The following PCLO variants were observed in gnomAD, a reference collection of about 807,000 sequenced individuals.
PCLO encodes the protein piccolo presynaptic cytomatrix protein, also known as protein piccolo.
In PCLO, 82 loss-of-function variants were observed where a neutral mutation model predicts 427.5. The observed-to-expected ratio is 0.19, with a 90% confidence interval of 0.16 to 0.23. PCLO has a LOEUF of 0.23. Among genes scored for constraint, PCLO ranks in the 10% least tolerant of loss-of-function variants. The pLI, the probability that PCLO is intolerant of heterozygous loss-of-function variation, is 1.00. For synonymous variants in PCLO, 2,357 were observed against 2,155.4 expected (o/e 1.09, Z -2.59); for missense variants, 6,239 against 6,115.9 (o/e 1.02, Z -0.67).
chr7:82,929,896 A>G (rs1447752102), intron 6 of PCLO, among the ~76,000 whole-genome samples: 2 of 152,176 alleles, frequency 1.3e-5, no homozygotes, highest in African/African-American at 4.8e-5. Context: ...ATAAATATTT[A>G]CTAATTCTCT....
chr7:83,156,606 T>G (rs1554406264), intron 1 of PCLO, among the ~76,000 whole-genome samples: 1 of 151,184 alleles, frequency 6.6e-6, no homozygotes, highest in East Asian at 1.9e-4. Context: ...AACAAGCAAG[T>G]GAAGAAAAAA....
chr7:82,997,278 A>G (rs369218355), intron 3 of PCLO, among the ~76,000 whole-genome samples: 2 of 152,056 alleles, frequency 1.3e-5, no homozygotes, highest in East Asian at 1.9e-4. Context: ...CTATCTCAGA[A>G]AAGCACACGA....
chr7:82,806,485 C>T (rs1791459802), intron 20 of PCLO, among the ~76,000 whole-genome samples: 2 of 152,096 alleles, frequency 1.3e-5, no homozygotes, highest in South Asian at 4.2e-4. Flanking sequence ...ATCCATATTC[C>T]CATACAGACA....
chr7:82,848,316 T>G (rs1018423119), intron 10 of PCLO, among the ~76,000 whole-genome samples: 3 of 143,826 alleles, frequency 2.1e-5, no homozygotes, highest in African/African-American at 5.0e-5. Flanking sequence ...TTTTTTTTTT[T>G]TTTTTTTTTT....
intron 18 of PCLO, among the ~76,000 whole-genome samples, chr7:82,825,301 T>G (rs986553989): frequency 1.3e-5 from 2 of 151,994 alleles, no homozygotes; most frequent in Non-Finnish European, 2.9e-5. Context: ...AGACCATAAA[T>G]TAGAAGGACT....
chr7:82,824,215 A>G (rs370124670), intron 19 of PCLO, 21 bp downstream of exon 19: 153 of 1,547,670 alleles, frequency 9.9e-5, no homozygotes, highest in Non-Finnish European at 1.3e-4. Flanking sequence ...AACTTTTTCT[A>G]CTTAAAAAAA....
At chr7:83,073,667 C>G (rs1456372449) in intron 3 of PCLO, among the ~76,000 whole-genome samples, 2 of 151,736 alleles carry the variant, frequency 1.3e-5, no homozygotes, top group African/African-American at 4.8e-5. Flanking sequence ...TTAGGAAGTA[C>G]CTAGTATTAC....
At chr7:82,990,794 A>T (rs1391138575) in intron 3 of PCLO, among the ~76,000 whole-genome samples, 1 of 152,170 alleles carries the variant, frequency 6.6e-6, no homozygotes, top group African/African-American at 2.4e-5. Context: ...CACTGATATA[A>T]TTAATATAGC....
chr7:83,094,200 A>ATT (rs61624053), intron 3 of PCLO, among the ~76,000 whole-genome samples: 2 of 107,890 alleles, frequency 1.9e-5, no homozygotes, highest in Non-Finnish European at 1.9e-5. Context: ...TTTGGGACTG[A>ATT]TTTTTTTTTC....
chr7:83,150,629 T>C (rs988088106), intron 2 of PCLO, among the ~76,000 whole-genome samples: 1 of 152,022 alleles, frequency 6.6e-6, no homozygotes, highest in Admixed American at 6.6e-5. Flanking sequence ...CCTTCCTTCC[T>C]TCCTTCCCAG....
At chr7:82,994,649 G>A (rs1445915040) in intron 3 of PCLO, among the ~76,000 whole-genome samples, 1 of 151,358 alleles carries the variant, frequency 6.6e-6, no homozygotes, top group Non-Finnish European at 1.5e-5. Context: ...TATATGAGAT[G>A]TGTTGATACA....
chr7:82,805,949 C>A (rs1791449469), intron 20 of PCLO, 120 bp from the exon 21 acceptor site: 1 of 943,322 alleles, frequency 1.1e-6, no homozygotes, highest in African/African-American at 1.7e-5. Flanking sequence ...CTGAAGAACT[C>A]TACATTTTTC....
intron 4 of PCLO, among the ~76,000 whole-genome samples, chr7:82,963,844 T>C (rs911158175): frequency 6.6e-6 from 1 of 151,994 alleles, no homozygotes; most frequent in Admixed American, 6.6e-5. Context: ...AAATAGTGCA[T>C]ACATAAAATT....
chr7:83,109,196 T>G (rs144634862), intron 3 of PCLO, among the ~76,000 whole-genome samples: 1 of 152,280 alleles, frequency 6.6e-6, no homozygotes, highest in East Asian at 1.9e-4. Flanking sequence ...CCAGACTGAC[T>G]AGAAAAAATG....
At chr7:83,142,967 A>G (rs930135248) in intron 2 of PCLO, among the ~76,000 whole-genome samples, 3 of 152,116 alleles carry the variant, frequency 2.0e-5, no homozygotes, top group African/African-American at 4.8e-5. Context: ...CAAAAAAAAA[A>G]GAGCAAACAC....
At chr7:82,833,208 A>G (rs1792140611) in intron 16 of PCLO, among the ~76,000 whole-genome samples, 1 of 152,198 alleles carries the variant, frequency 6.6e-6, no homozygotes, top group Admixed American at 6.5e-5. Flanking sequence ...GTTTGATAGG[A>G]TACCAATGTT....
intron 3 of PCLO, among the ~76,000 whole-genome samples, chr7:83,004,793 C>A (rs1787907711): frequency 6.6e-6 from 1 of 150,604 alleles, no homozygotes; most frequent in Admixed American, 6.6e-5. Flanking sequence ...TGCTAATATC[C>A]AAAAAAAATA....
intron 3 of PCLO, among the ~76,000 whole-genome samples, chr7:83,038,918 A>C (rs1327454804): frequency 1.3e-5 from 2 of 151,948 alleles, no homozygotes; most frequent in Non-Finnish European, 2.9e-5. Flanking sequence ...TTTTTATTCT[A>C]GCCATTCTAG....
rs1239748530 is a variant in PCLO, at chr7:83,156,476, C to T, written c.249-84G>A. The stretch of plus-strand genomic sequence containing the variant: ...TCAAAGTAATACAAAAAACCTATTG[C>T]TTATATCTTCAAAATTATGAATGTA... On this transcript the variant is annotated intron_variant, in intron 1 of 24. Coordinates refer to ENST00000333891, the MANE Select transcript of PCLO (RefSeq NM_033026.6). 2.0e-5 allele frequency: 16 copies of T among 810,868 alleles called. No individual in the cohort carries two copies. In the African/African-American group the frequency reaches 2.6e-4, roughly 13 times the overall value. 50.2% of individuals were successfully genotyped at this position (810,868 alleles called of 1,614,324 possible).
Sources: allele counts gnomAD v4.1 joint callset (sites outside exome capture counted in the v4.1 genomes callset), GRCh38; gene constraint gnomAD v4.1.1; transcripts MANE v1.5; gene names NCBI Gene and HGNC (gene_info 2026-07-23, HGNC 2026-07-21).